The following TEX9 variants were observed in gnomAD, a reference collection of about 807,000 sequenced individuals.
TEX9 encodes testis-expressed protein 9.
Under a neutral mutation model 59.6 loss-of-function variants are expected in TEX9, and 74 were observed. The observed-to-expected ratio is 1.24, with a 90% CI of 1.03 to 1.51. TEX9 has a LOEUF of 1.51. Ranked by LOEUF, TEX9 falls within the 40% of genes most tolerant of loss-of-function variation. TEX9 has a pLI of 0.00. For synonymous variants in TEX9, 186 were observed against 152.2 expected (o/e 1.22, Z -1.64); for missense variants, 522 against 447.8 (o/e 1.17, Z -1.49).
intron 1 of TEX9, among the ~76,000 whole-genome samples, chr15:56,285,491 C>G (rs1428577044): frequency 6.6e-6 from 1 of 152,148 alleles, no homozygotes; most frequent in African/African-American, 2.4e-5. Flanking sequence ...GATTTGACTT[C>G]TATCTCCACC....
intron 7 of TEX9, 67 bp downstream of exon 7, chr15:56,391,485 G>A: frequency 2.7e-6 from 3 of 1,119,340 alleles, no homozygotes; most frequent in Non-Finnish European, 3.6e-6. Context: ...AAATCTTGGG[G>A]AACTATTTCT....
At position 56,443,446 on chromosome 15, in the gene TEX9, T is replaced by C. The variant is rs751338636; in HGVS notation, c.*30-2225T>C. 2.1e-5 allele frequency: 33 copies of C among 1,583,298 alleles called. No individual in the cohort carries two copies. Among genetic ancestry groups the C allele is most frequent in the Non-Finnish European group, 2.5e-5 (29 of 1,171,402 alleles). On this transcript the variant is annotated intron_variant, in intron 12 of 12. Transcript: ENST00000352903. ...GAAACTTACTTTTAGCTTGCTCTTA[T>C]ATATTTCAGCTTGTTCTTCCTGGTA...
chr15:56,262,952 T>C (rs1158726420), intron 1 of TEX9, among the ~76,000 whole-genome samples: 1 of 152,212 alleles, frequency 6.6e-6, no homozygotes, highest in Admixed American at 6.5e-5. Context: ...CATGATAATA[T>C]CTTTACCATT....
chr15:56,407,390 G>A (rs1173036317), intron 9 of TEX9, among the ~76,000 whole-genome samples: 1 of 152,010 alleles, frequency 6.6e-6, no homozygotes, highest in Admixed American at 6.6e-5. Flanking sequence ...ATGGATACAA[G>A]TCTATTCTGA....
At chr15:56,395,750 A>G (rs1242156013) in intron 9 of TEX9, 2 of 152,058 alleles carry the variant, frequency 1.3e-5, no homozygotes, top group Non-Finnish European at 2.9e-5. Context: ...TCATGTGCTT[A>G]TTGGCATTTG....
chr15:56,457,059 C>T, the TEX9 span, among the ~76,000 whole-genome samples: 3 of 152,236 alleles, frequency 2.0e-5, no homozygotes, highest in East Asian at 5.8e-4. Context: ...AATCAAAATC[C>T]AAACAAGATC....
chr15:56,419,824 G>T (rs1178065807), intron 10 of TEX9, among the ~76,000 whole-genome samples: 1 of 151,870 alleles, frequency 6.6e-6, no homozygotes, highest in African/African-American at 2.4e-5. Context: ...TCAACTTTCA[G>T]ATAAGTTTTT....
intron 3 of TEX9, among the ~76,000 whole-genome samples, chr15:56,377,471 C>A (rs2047514007): frequency 3.3e-5 from 5 of 151,966 alleles, no homozygotes; most frequent in Admixed American, 3.3e-4. Context: ...TCTGTTACTG[C>A]TTTGGTTATG....
intron 1 of TEX9, among the ~76,000 whole-genome samples, chr15:56,309,786 T>C (rs2045568293): frequency 7.2e-6 from 1 of 139,080 alleles, no homozygotes. Flanking sequence ...CTGAACTACA[T>C]TCCGATTTGT....
chr15:56,263,867 T>G (rs1596050739), intron 1 of TEX9, among the ~76,000 whole-genome samples: 1 of 151,902 alleles, frequency 6.6e-6, no homozygotes, highest in African/African-American at 2.4e-5. Context: ...ATTTATGTTA[T>G]TGTTTCTGCC....
At chr15:56,369,975 T>TGTTAC (rs1555437238) in intron 2 of TEX9, among the ~76,000 whole-genome samples, 1 of 45,768 alleles carries the variant, frequency 2.2e-5, no homozygotes, top group African/African-American at 6.9e-5. Flanking sequence ...ATGCAGTGTC[T>TGTTAC]ATCTTTCTTC....
At chr15:56,268,780 A>C (rs1342542306) in intron 1 of TEX9, among the ~76,000 whole-genome samples, 1 of 151,792 alleles carries the variant, frequency 6.6e-6, no homozygotes, top group African/African-American at 2.4e-5. Context: ...ATTGGTCTAA[A>C]ATTCTCTTTT....
intron 9 of TEX9, chr15:56,396,167 A>G (rs1282138615): frequency 6.6e-6 from 1 of 152,222 alleles, no homozygotes; most frequent in Non-Finnish European, 1.5e-5. Context: ...CCCGAGATTT[A>G]GTAAGAAAAT....
At chr15:56,393,128 G>A (rs2048294989) in intron 7 of TEX9, among the ~76,000 whole-genome samples, 1 of 152,142 alleles carries the variant, frequency 6.6e-6, no homozygotes, top group South Asian at 2.1e-4. Context: ...TAAGGTTAGA[G>A]TTAGGGAGAA....
chr15:56,447,212 T>C (rs1481531106), downstream of TEX9: 3 of 249,694 alleles, frequency 1.2e-5, no homozygotes, highest in Non-Finnish European at 2.3e-5. Flanking sequence ...TCAACTGCTG[T>C]AAATTATAAT....
chr15:56,284,463 A>G (rs2044895821), intron 1 of TEX9, among the ~76,000 whole-genome samples: 3 of 152,082 alleles, frequency 2.0e-5, no homozygotes, highest in Admixed American at 2.0e-4. Context: ...TATCAAGTGT[A>G]TGTGATAGCA....
chr15:56,252,297 C>T (rs1438398684), intron 1 of TEX9, among the ~76,000 whole-genome samples: 2 of 151,662 alleles, frequency 1.3e-5, no homozygotes, highest in Non-Finnish European at 2.9e-5. Context: ...TTAATCTTCT[C>T]TATATCTCCA....
At chr15:56,263,719 A>G (rs2044318634) in intron 1 of TEX9, among the ~76,000 whole-genome samples, 1 of 152,102 alleles carries the variant, frequency 6.6e-6, no homozygotes, top group Admixed American at 6.5e-5. Context: ...CCTTCCCCAT[A>G]TCCTCAGATC....
At chr15:56,256,134 G>C (rs1053145542) in intron 1 of TEX9, among the ~76,000 whole-genome samples, 5 of 151,830 alleles carry the variant, frequency 3.3e-5, no homozygotes, top group African/African-American at 1.2e-4. Context: ...TAAAATTATT[G>C]AACATTGTTA....
Sources: allele counts gnomAD v4.1 joint callset (sites outside exome capture counted in the v4.1 genomes callset), GRCh38; gene constraint gnomAD v4.1.1; transcripts MANE v1.5; gene names NCBI Gene and HGNC (gene_info 2026-07-23, HGNC 2026-07-21).